The following GALNT1 variants were observed in gnomAD, a reference collection of about 807,000 sequenced individuals.
GALNT1 encodes the protein GalNAc transferase 1.
GALNT1 carries 17 observed loss-of-function variants against 65.7 expected under a neutral mutation model. The observed-to-expected ratio is 0.26, with a 90% CI of 0.18 to 0.39. The LOEUF (loss-of-function observed/expected upper bound fraction) is 0.39, where lower values mean the gene tolerates loss of function less well. GALNT1 is among the 10% of genes least tolerant of loss of function. GALNT1 has a pLI of 1.00. For missense variants in GALNT1, 460 were observed against 672.8 expected (o/e 0.68, Z 3.50); for synonymous variants, 210 against 219.7 (o/e 0.96, Z 0.39).
intron 1 of GALNT1, among the ~76,000 whole-genome samples, chr18:35,599,073 GATT>G (rs1294427989): frequency 1.3e-5 from 2 of 149,238 alleles, no homozygotes; most frequent in Admixed American, 1.3e-4. Flanking sequence ...TTTACAATTG[GATT>G]ATTTGTTGTT....
At chr18:35,683,271 G>A (rs1230187962) in intron 4 of GALNT1, 120 bp from the exon 5 acceptor site, 3 of 712,970 alleles carry the variant, frequency 4.2e-6, no homozygotes, top group Non-Finnish European at 6.9e-6. Context: ...ATGAGTCAGG[G>A]AGCCTCACTG....
At chr18:35,600,674 A>T (rs72958851) in intron 1 of GALNT1, among the ~76,000 whole-genome samples, 9,341 of 151,988 alleles carry the variant, frequency 0.061, 318 homozygotes, top group South Asian at 0.077. Context: ...TATGGCCTTT[A>T]TTTTTGCGGG....
intron 1 of GALNT1, among the ~76,000 whole-genome samples, chr18:35,644,749 G>A (rs2047207937): frequency 6.6e-6 from 1 of 152,130 alleles, no homozygotes; most frequent in East Asian, 1.9e-4. Flanking sequence ...CCAGCACTTT[G>A]GGAGGCTGAG....
chr18:35,621,819 A>G (rs931656855), intron 1 of GALNT1, among the ~76,000 whole-genome samples: 2 of 152,132 alleles, frequency 1.3e-5, no homozygotes, highest in African/African-American at 4.8e-5. Context: ...TTATGAATGA[A>G]CATTTATTGA....
Position 35,630,724 on chromosome 18 carries a change from A to T in GALNT1, c.-103-23836A>T, listed in dbSNP as rs2046994621. Among the ~76,000 whole-genome samples, 5 of 152,228 alleles carry T rather than the reference A, an allele frequency of 3.3e-5. No homozygotes were observed. In the South Asian group the frequency reaches 1.0e-3, roughly 32 times the overall value. ...AGATCAGAGCAGAACTAAAGGAGATAGAGACACAAAAAACCCTTCAAAAAA... is the reference window on the plus strand; with the variant it reads ...AGATCAGAGCAGAACTAAAGGAGATTGAGACACAAAAAACCCTTCAAAAAA... On this transcript the variant is annotated intron_variant, in intron 1 of 11. Transcript: ENST00000269195.
intron 1 of GALNT1, among the ~76,000 whole-genome samples, chr18:35,621,770 G>GT (rs1040154675): frequency 4.3e-4 from 65 of 152,146 alleles, no homozygotes; most frequent in Admixed American, 1.4e-3. Context: ...AGCCTTTAAT[G>GT]TTTTTTTGTA....
Position 35,617,829 on chromosome 18 carries a change from A to C in GALNT1, c.-104+35967A>C, listed in dbSNP as rs1035461284. 6.6e-5 allele frequency among the ~76,000 whole-genome samples: 10 copies of C among 152,296 alleles called. No individual in the cohort carries two copies. The East Asian group carries it at 1.7e-3, about 26-fold the overall frequency. On this transcript the variant is annotated intron_variant, in intron 1 of 11. Transcript: ENST00000269195. The stretch of plus-strand genomic sequence containing the variant: ...AAGTTGATTTGTAGATTCAAAACTC[A>C]AAACAAGATCAACATAGCACATTTA...
chr18:35,603,540 A>G (rs913523149), intron 1 of GALNT1, among the ~76,000 whole-genome samples: 2 of 152,166 alleles, frequency 1.3e-5, no homozygotes, highest in Admixed American at 6.5e-5. Flanking sequence ...AGCATCATGT[A>G]TTTGTGACAC....
chr18:35,676,309 G>A (rs2047710173), intron 3 of GALNT1, among the ~76,000 whole-genome samples: 1 of 152,026 alleles, frequency 6.6e-6, no homozygotes, highest in Admixed American at 6.5e-5. Context: ...AGGGAGAGAG[G>A]GGCTGCAGTG....
chr18:35,634,284 CAT>C (rs1411296032), intron 1 of GALNT1, among the ~76,000 whole-genome samples: 4 of 152,170 alleles, frequency 2.6e-5, no homozygotes, highest in African/African-American at 9.6e-5. Context: ...TCACATAACT[CAT>C]AAGTGTTGCT....
In GALNT1 at chr18:35,683,281, G is replaced by A. The variant is rs951738317; in HGVS notation, c.482-110G>A. On this transcript the variant is annotated intron_variant, in intron 4 of 11. Coordinates refer to ENST00000269195, the MANE Select transcript of GALNT1 (RefSeq NM_020474.4). ...GGTTTATGAGTCAGGGAGCCTCACT[G>A]AGAGTGTTCAGTAAGGGTATGTTGA... The A allele has an allele frequency of 3.4e-5, 27 of 801,298 alleles. No homozygotes were observed. The African/African-American group carries it at 3.8e-4, about 11-fold the overall frequency. The allele number at this position is 801,298 out of a possible 1,614,324, so 49.6% of individuals were successfully genotyped here. A position where few individuals can be genotyped will look rare whatever the true frequency, so the allele number is the denominator to read the frequency against.
intron 2 of GALNT1, among the ~76,000 whole-genome samples, chr18:35,661,827 A>G (rs2047481864): frequency 6.6e-6 from 1 of 152,106 alleles, no homozygotes; most frequent in Admixed American, 6.6e-5. Flanking sequence ...AATACTCTTC[A>G]TTTAAAAACT....
chr18:35,645,216 ATGTT>A (rs2047214204), intron 1 of GALNT1, among the ~76,000 whole-genome samples: 1 of 121,096 alleles, frequency 8.3e-6, no homozygotes, highest in African/African-American at 3.1e-5. Context: ...GCTATTTTGA[ATGTT>A]TTTTTTTTTT....
At chr18:35,705,884 A>G (rs962843412) in intron 11 of GALNT1, among the ~76,000 whole-genome samples, 2 of 152,214 alleles carry the variant, frequency 1.3e-5, no homozygotes, top group Admixed American at 6.5e-5. Context: ...CTGCAGCTTT[A>G]TCGCATCCCA....
intron 1 of GALNT1, among the ~76,000 whole-genome samples, chr18:35,589,243 T>A (rs2046415365): frequency 6.6e-6 from 1 of 152,136 alleles, no homozygotes; most frequent in Non-Finnish European, 1.5e-5. Context: ...GGGTGCCTTG[T>A]TACCAGCTGA....
chr18:35,689,197 T>G lies in GALNT1; in HGVS notation c.885T>G (p.Leu295=), dbSNP rs1365634563. The G allele has an allele frequency of 6.2e-6, 10 of 1,612,152 alleles. No homozygotes were observed. Among genetic ancestry groups the G allele is most frequent in the Admixed American group, 3.3e-5 (2 of 59,924 alleles). ...PVRTPTMAGG[L]FSIDRDYFQE... ...GGACACCTACCATGGCAGGAGGCCT[T>G]TTTTCAATAGACAGAGATTACTTTC... Residue 295 remains leucine (L), a synonymous_variant, in exon 7 of 12, where the codon CTT becomes CTG. Coordinates refer to ENST00000269195, the MANE Select transcript of GALNT1 (RefSeq NM_020474.4).
At chr18:35,683,308 T>C (rs1424853846) in intron 4 of GALNT1, 83 bp from the exon 5 acceptor site, 2 of 1,088,270 alleles carry the variant, frequency 1.8e-6, no homozygotes, top group Admixed American at 4.4e-5. Flanking sequence ...GTATGTTGAA[T>C]AAATTTTCCA....
intron 9 of GALNT1, among the ~76,000 whole-genome samples, chr18:35,697,812 C>CAGTT (rs1389944937): frequency 5.9e-5 from 9 of 152,200 alleles, no homozygotes; most frequent in Admixed American, 5.2e-4. Context: ...ATGATACTCT[C>CAGTT]AGTTTGTACA....
chr18:35,658,371 G>A (rs896343159), intron 2 of GALNT1, among the ~76,000 whole-genome samples: 4 of 152,212 alleles, frequency 2.6e-5, no homozygotes, highest in South Asian at 2.1e-4. Flanking sequence ...GGGCTGAGCC[G>A]TAGGCTGGAG....
Sources: gnomAD v4.1 joint callset for allele counts (sites outside exome capture counted in the v4.1 genomes callset) on GRCh38, gnomAD v4.1.1 for gene constraint, MANE v1.5 for transcripts, NCBI Gene and HGNC (gene_info 2026-07-23, HGNC 2026-07-21) for gene names.